HERC3: variants seen among roughly 807,000 people sequenced by gnomAD.
HERC3 encodes the protein probable E3 ubiquitin-protein ligase HERC3.
Under a neutral mutation model 129.9 loss-of-function variants are expected in HERC3, and 58 were observed. The observed-to-expected ratio is 0.45, with a 90% CI of 0.36 to 0.56. The LOEUF (loss-of-function observed/expected upper bound fraction) is 0.56. HERC3 is among the 20% of genes least tolerant of loss of function. HERC3 has a pLI of 0.00. For synonymous variants in HERC3, 430 were observed against 451.0 expected (o/e 0.95, Z 0.59); for missense variants, 835 against 1,244.2 (o/e 0.67, Z 4.95).
chr4:88,692,427 G>A (rs1316606099), intron 23 of HERC3, among the ~76,000 whole-genome samples: 1 of 152,074 alleles, frequency 6.6e-6, no homozygotes, highest in Non-Finnish European at 1.5e-5. Context: ...CTTAAGGTAA[G>A]TGCTTCAAAG....
At chr4:88,586,073 T>C in the HERC3 span, among the ~76,000 whole-genome samples, 67,682 of 152,076 alleles carry the variant, frequency 0.45, 19,301 homozygotes, top group African/African-American at 0.81. Context: ...AGGAATTTAC[T>C]TTACTGATAT....
chr4:88,597,282 A>G (rs1469918804), intron 2 of HERC3, among the ~76,000 whole-genome samples: 3 of 152,246 alleles, frequency 2.0e-5, no homozygotes, highest in African/African-American at 7.2e-5. Context: ...CAAGTACTCA[A>G]TAGCCACATA....
chr4:88,688,323 C>T (rs375683268), intron 23 of HERC3, among the ~76,000 whole-genome samples: 13 of 152,010 alleles, frequency 8.6e-5, no homozygotes, highest in Non-Finnish European at 1.0e-4. Flanking sequence ...AGGCCTTGAA[C>T]GGCGCTTGGA....
chr4:88,650,814 G>T (rs1185161276), intron 4 of HERC3, among the ~76,000 whole-genome samples: 1 of 152,180 alleles, frequency 6.6e-6, no homozygotes, highest in Non-Finnish European at 1.5e-5. Context: ...CCATTGCTAG[G>T]AGTGCCTATC....
chr4:88,526,055 C>G, the HERC3 span, among the ~76,000 whole-genome samples: 2 of 152,210 alleles, frequency 1.3e-5, no homozygotes, highest in Non-Finnish European at 2.9e-5. Context: ...ATGTAACTTA[C>G]AGTGTTTGAA....
chr4:88,567,967 G>C, the HERC3 span, among the ~76,000 whole-genome samples: 8 of 152,154 alleles, frequency 5.3e-5, no homozygotes, highest in Non-Finnish European at 1.2e-4. Flanking sequence ...TGATTGTTGA[G>C]AACTAAGTAT....
upstream of HERC3, among the ~76,000 whole-genome samples, chr4:88,589,079 T>A (rs1305278099): frequency 6.6e-6 from 1 of 152,032 alleles, no homozygotes; most frequent in African/African-American, 2.4e-5. Context: ...TGTGTGTGTA[T>A]GTGCACGCGT....
intron 2 of HERC3, among the ~76,000 whole-genome samples, chr4:88,596,447 G>C (rs1018262290): frequency 2.6e-5 from 4 of 152,188 alleles, no homozygotes; most frequent in African/African-American, 7.2e-5. Context: ...TGAGGTGGTG[G>C]AAATTCAGGT....
intron 11 of HERC3, among the ~76,000 whole-genome samples, chr4:88,663,794 A>G (rs1487637735): frequency 6.6e-6 from 1 of 152,242 alleles, no homozygotes; most frequent in Non-Finnish European, 1.5e-5. Context: ...TTCGGGAAGT[A>G]ACAGCTTGGC....
the HERC3 span, among the ~76,000 whole-genome samples, chr4:88,531,095 C>T: frequency 6.6e-6 from 1 of 152,050 alleles, no homozygotes; most frequent in South Asian, 2.1e-4. Flanking sequence ...TGGCCTCAGG[C>T]GATCTGCCCT....
the HERC3 span, among the ~76,000 whole-genome samples, chr4:88,535,237 C>G: frequency 6.6e-6 from 1 of 152,204 alleles, no homozygotes; most frequent in South Asian, 2.1e-4. Context: ...CAACCTTGAA[C>G]TTACACCTGG....
In HERC3 at chr4:88,706,900, G is replaced by C. The variant is rs139751765; in HGVS notation, c.3093G>C (p.Glu1031Asp). Residue 1031 changes from glutamate to aspartate, a missense_variant, in exon 26 of 26, where the codon GAG (glutamate) becomes GAC (aspartate). Transcript: ENST00000402738. Reference protein sequence around the residue: ...LLDLPKYSSKEILSARLTQAL... With the variant: ...LLDLPKYSSKDILSARLTQAL... The stretch of plus-strand genomic sequence containing the variant: ...ACCTCCCCAAGTACAGCAGCAAAGA[G>C]ATTCTGAGTGCCCGGCTGACCCAGG... 88 of 1,614,210 alleles carry C rather than the reference G, an allele frequency of 5.5e-5. No homozygotes were observed. The Middle Eastern group carries it at 1.5e-3, about 27-fold the overall frequency.
At chr4:88,556,118 G>A in the HERC3 span, among the ~76,000 whole-genome samples, 5 of 152,156 alleles carry the variant, frequency 3.3e-5, no homozygotes, top group Non-Finnish European at 7.4e-5. Context: ...TCTTTGACAT[G>A]ATACATAAAA....
In HERC3 at chr4:88,592,578, C is replaced by A. The variant is rs1721799843; in HGVS notation, c.-88+4C>A. 2 of 152,394 alleles carry A rather than the reference C, an allele frequency of 1.3e-5. No individual in the cohort carries two copies. Among genetic ancestry groups the A allele is most frequent in the Admixed American group, 1.3e-4 (2 of 15,284 alleles). The allele number at this position is 152,394 out of a possible 1,614,324, so 9.4% of individuals were successfully genotyped here. Reference sequence around the variant, plus strand: ...CTGCGGTTCGGCTGCTGCCGAGGTGCGCAGGGCGGGGGCCGGGGTTCCAGG... The same window carrying A: ...CTGCGGTTCGGCTGCTGCCGAGGTGAGCAGGGCGGGGGCCGGGGTTCCAGG... On this transcript the variant is annotated splice_donor_region_variant and intron_variant, in intron 1 of 25. Transcript: ENST00000402738.
chr4:88,564,540 A>C, the HERC3 span, among the ~76,000 whole-genome samples: 1 of 152,148 alleles, frequency 6.6e-6, no homozygotes, highest in African/African-American at 2.4e-5. Flanking sequence ...AGTTGCTCAA[A>C]GCAGTCTCTA....
At chr4:88,623,961 CAACT>C (rs1385573850) in intron 3 of HERC3, among the ~76,000 whole-genome samples, 3 of 152,186 alleles carry the variant, frequency 2.0e-5, no homozygotes, top group Non-Finnish European at 4.4e-5. Context: ...ACATCCACAC[CAACT>C]GTTTTGTTCC....
chr4:88,580,438 A>C, the HERC3 span, among the ~76,000 whole-genome samples: 676 of 152,240 alleles, frequency 4.4e-3, 4 homozygotes, highest in Non-Finnish European at 7.4e-3. Context: ...AGGCAGGAGA[A>C]TCCAGGAGGC....
chr4:88,658,541 C>T (rs760591487), intron 10 of HERC3, 50 bp downstream of exon 10: 4 of 922,290 alleles, frequency 4.3e-6, no homozygotes, highest in African/African-American at 3.3e-5. Context: ...AATAGTGAAC[C>T]AACATTTCTT....
At chr4:88,611,134 A>T (rs887262098) in intron 3 of HERC3, among the ~76,000 whole-genome samples, 2 of 152,228 alleles carry the variant, frequency 1.3e-5, no homozygotes, top group Admixed American at 1.3e-4. Flanking sequence ...GTTGTTGGTT[A>T]AGCTTGTCTG....
Sources: gnomAD v4.1 joint callset for allele counts (sites outside exome capture counted in the v4.1 genomes callset) on GRCh38, gnomAD v4.1.1 for gene constraint, MANE v1.5 for transcripts, NCBI Gene and HGNC (gene_info 2026-07-23, HGNC 2026-07-21) for gene names.